Variants in APBB2 observed in about 807,000 individuals in gnomAD.
APBB2 encodes Fe65-like 1.
A neutral mutation model predicts 82.5 loss-of-function variants in APBB2; 38 were observed. The ratio of observed to expected loss-of-function variants is 0.46; its 90% confidence interval spans 0.36 to 0.60. The LOEUF is 0.60. Among genes scored for constraint, APBB2 ranks in the 20% least tolerant of loss-of-function variants. The probability of loss-of-function intolerance (pLI) is 0.00; values close to 1 mark genes in which losing one functional copy is unlikely to be tolerated. For missense variants in APBB2, 772 were observed against 972.3 expected (o/e 0.79, Z 2.74); for synonymous variants, 341 against 368.2 (o/e 0.93, Z 0.85).
intron 1 of APBB2, among the ~76,000 whole-genome samples, chr4:41,154,941 C>T (rs912727833): frequency 6.6e-6 from 1 of 152,134 alleles, no homozygotes; most frequent in African/African-American, 2.4e-5. Flanking sequence ...GACGGGGCAC[C>T]CTAGGGCCTG....
chr4:41,111,624 A>C (rs539952204), intron 2 of APBB2, among the ~76,000 whole-genome samples: 96 of 152,244 alleles, frequency 6.3e-4, no homozygotes, highest in African/African-American at 2.1e-3. Flanking sequence ...ACTCTTGCTG[A>C]TGGAAATAAA....
chr4:41,169,614 G>GA (rs1479071777), intron 1 of APBB2, among the ~76,000 whole-genome samples: 2 of 152,162 alleles, frequency 1.3e-5, no homozygotes, highest in South Asian at 4.1e-4. Flanking sequence ...AGGAGAACTG[G>GA]AAAAATGACA....
chr4:41,208,725 G>A (rs1778585490), intron 1 of APBB2, among the ~76,000 whole-genome samples: 1 of 152,186 alleles, frequency 6.6e-6, no homozygotes, highest in African/African-American at 2.4e-5. Context: ...GGTAGAACTG[G>A]TAAACTTTGT....
intron 6 of APBB2, among the ~76,000 whole-genome samples, chr4:41,011,523 T>C (rs1357576169): frequency 6.6e-6 from 1 of 150,540 alleles, no homozygotes; most frequent in African/African-American, 2.4e-5. Flanking sequence ...TTCCGCCTCA[T>C]AGGTTCAAGC....
chr4:40,830,880 G>A (rs931408274), intron 12 of APBB2, among the ~76,000 whole-genome samples: 10 of 151,714 alleles, frequency 6.6e-5, no homozygotes, highest in Admixed American at 3.9e-4. Flanking sequence ...ACCAGCTCTC[G>A]AACCAGGCAA....
chr4:41,007,632 C>T (rs530640104), intron 6 of APBB2, among the ~76,000 whole-genome samples: 1 of 152,130 alleles, frequency 6.6e-6, no homozygotes, highest in Non-Finnish European at 1.5e-5. Context: ...ATAAGAATCA[C>T]CCTATCTGAG....
intron 7 of APBB2, among the ~76,000 whole-genome samples, chr4:40,942,377 T>G (rs1787237993): frequency 6.6e-6 from 1 of 152,132 alleles, no homozygotes; most frequent in African/African-American, 2.4e-5. Flanking sequence ...GGAATGGAAC[T>G]GATAGAAGGT....
intron 10 of APBB2, among the ~76,000 whole-genome samples, chr4:40,911,582 G>C (rs145979127): frequency 6.6e-6 from 1 of 152,286 alleles, no homozygotes; most frequent in African/African-American, 2.4e-5. Flanking sequence ...AGTTCTTCCT[G>C]TGGGCTTACT....
At chr4:41,150,171 GA>G (rs1026974624) in intron 1 of APBB2, among the ~76,000 whole-genome samples, 9 of 152,108 alleles carry the variant, frequency 5.9e-5, no homozygotes, top group Non-Finnish European at 2.9e-5. Flanking sequence ...AAAAGTATTG[GA>G]ATATTTTTAT....
chr4:40,978,978 A>G (rs1336723840), intron 6 of APBB2, among the ~76,000 whole-genome samples: 1 of 152,146 alleles, frequency 6.6e-6, no homozygotes, highest in Non-Finnish European at 1.5e-5. Context: ...AATGATAGAA[A>G]AGGCCCTAAT....
chr4:41,056,468 C>A (rs561901331), intron 4 of APBB2, among the ~76,000 whole-genome samples: 2 of 152,178 alleles, frequency 1.3e-5, no homozygotes, highest in Admixed American at 1.3e-4. Flanking sequence ...AAATTGTGTT[C>A]TCCTGGGCTT....
chr4:41,103,397 C>T (rs1334990841), intron 2 of APBB2, among the ~76,000 whole-genome samples: 1 of 152,048 alleles, frequency 6.6e-6, no homozygotes, highest in East Asian at 1.9e-4. Flanking sequence ...TAAAAAGACT[C>T]TAAATTTTCT....
At chr4:40,880,888 G>A in intron 12 of APBB2, 21 of 984,984 alleles carry the variant, frequency 2.1e-5, no homozygotes, top group Non-Finnish European at 2.5e-5. Context: ...AAATGGACGA[G>A]GTATTTCTCA....
intron 6 of APBB2, among the ~76,000 whole-genome samples, chr4:40,983,444 C>G (rs12650457): frequency 0.19 from 29,445 of 152,242 alleles, 2,923 homozygotes; most frequent in East Asian, 0.24. Flanking sequence ...AGATATTTCA[C>G]AGAAATTCTC....
At chr4:40,931,804 T>A (rs571544618) in intron 10 of APBB2, among the ~76,000 whole-genome samples, 1 of 152,288 alleles carries the variant, frequency 6.6e-6, no homozygotes, top group Admixed American at 6.5e-5. Context: ...GTGCCCTTTT[T>A]TTTTTTTTAA....
intron 6 of APBB2, among the ~76,000 whole-genome samples, chr4:40,972,445 T>TAATAAATAAATAAATAAATAAATAAATA (rs1553888325): frequency 2.1e-4 from 31 of 147,074 alleles, no homozygotes; most frequent in African/African-American, 7.3e-4. Flanking sequence ...AAAAAAATAA[T>TAATAAATAAATAAATAAATAAATAAATA]AATAAATAAA....
chr4:40,924,061 G>A (rs1782002852), intron 10 of APBB2, among the ~76,000 whole-genome samples: 1 of 152,214 alleles, frequency 6.6e-6, no homozygotes, highest in Non-Finnish European at 1.5e-5. Flanking sequence ...CAGGGAGCCT[G>A]GCTTCGGGTC....
intron 6 of APBB2, among the ~76,000 whole-genome samples, chr4:41,004,636 A>T (rs1302145561): frequency 6.6e-6 from 1 of 151,904 alleles, no homozygotes; most frequent in Non-Finnish European, 1.5e-5. Context: ...GGAGATCGAG[A>T]CCATCCTGCC....
chr4:41,009,620 A>G (rs1807758748), intron 6 of APBB2, among the ~76,000 whole-genome samples: 1 of 152,216 alleles, frequency 6.6e-6, no homozygotes, highest in Non-Finnish European at 1.5e-5. Flanking sequence ...CCCAAAGTGC[A>G]GTCTACGATC....
Sources: allele counts gnomAD v4.1 joint callset (sites outside exome capture counted in the v4.1 genomes callset), GRCh38; gene constraint gnomAD v4.1.1; transcripts MANE v1.5; gene names NCBI Gene and HGNC (gene_info 2026-07-23, HGNC 2026-07-21).